VIPAS39: variants seen among roughly 807,000 people sequenced by gnomAD.
VIPAS39 encodes VPS33B interacting protein, apical-basolateral polarity regulator, spe-39 homolog.
In VIPAS39, 63 loss-of-function variants were observed where a neutral mutation model predicts 84.7. That is an observed-to-expected ratio of 0.74 (90% CI 0.61 to 0.92). The LOEUF is 0.92. VIPAS39 is among the 40% of genes least tolerant of loss of function. The pLI, the probability that VIPAS39 is intolerant of heterozygous loss-of-function variation, is 0.00. For synonymous variants in VIPAS39, 192 were observed against 216.5 expected (o/e 0.89, Z 0.99); for missense variants, 499 against 604.5 (o/e 0.83, Z 1.83).
intron 16 of VIPAS39, among the ~76,000 whole-genome samples, chr14:77,431,651 CAG>C: frequency 6.6e-6 from 1 of 152,022 alleles, no homozygotes; most frequent in Middle Eastern, 3.4e-3. Flanking sequence ...GCCTGGGTGA[CAG>C]AGTGAGACCC....
At chr14:77,427,843 T>G (rs1238510824) in intron 19 of VIPAS39, among the ~76,000 whole-genome samples, 1 of 152,250 alleles carries the variant, frequency 6.6e-6, no homozygotes, top group Non-Finnish European at 1.5e-5. Flanking sequence ...ACACCTATTT[T>G]GTATTTTACA....
chr14:77,442,716 G>A (rs775381413), intron 9 of VIPAS39, 54 bp from the exon 10 acceptor site: 6 of 1,504,932 alleles, frequency 4.0e-6, no homozygotes, highest in Non-Finnish European at 4.6e-6. Flanking sequence ...TTAGTCAAGT[G>A]TGAAATTGGT....
At position 77,442,579 on chromosome 14, in the gene VIPAS39, A is replaced by G; in HGVS notation, c.715T>C (p.Leu239=). Residue 239 remains leucine (L), a synonymous_variant, in exon 10 of 20, where the codon TTG becomes CTG. Transcript: ENST00000557658. ...TCTTACCTGAAGAGGTCTAAAAGCA[A>G]CTTTTGATCCCCTATTTCCTTAAGG... ...HFLKEIGDQK[L]LLDLFRFLDR... 1 of 1,614,204 alleles carries G rather than the reference A, an allele frequency of 6.2e-7. No individual in the cohort carries two copies. Among genetic ancestry groups the G allele is most frequent in the South Asian group, 1.1e-5 (1 of 91,082 alleles).
chr14:77,454,120 C>T lies in VIPAS39; in HGVS notation c.1-18G>A, dbSNP rs772297467. The T allele has an allele frequency of 3.7e-6, 6 of 1,611,560 alleles. No homozygotes were observed. The Admixed American group carries it at 6.7e-5, about 18-fold the overall frequency. On this transcript the variant is annotated intron_variant, in intron 1 of 19. Transcript: ENST00000557658. ...CGATTCATCTACAGTGACAGGAAAA[C>T]ATACATTGCCCCTTTCTGGGTCTCT...
chr14:77,431,592 A>C (rs891178083), intron 16 of VIPAS39, among the ~76,000 whole-genome samples: 1 of 152,148 alleles, frequency 6.6e-6, no homozygotes, highest in African/African-American at 2.4e-5. Context: ...TGGTGTAGCC[A>C]ATGTGGAAAA....
intron 1 of VIPAS39, among the ~76,000 whole-genome samples, chr14:77,454,617 T>G (rs1274690626): frequency 1.4e-5 from 2 of 143,236 alleles, no homozygotes; most frequent in Non-Finnish European, 3.0e-5. Context: ...GAGGTTGCGG[T>G]GAGCAGAGAT....
intron 16 of VIPAS39, among the ~76,000 whole-genome samples, chr14:77,432,543 G>A (rs1194174186): frequency 6.6e-6 from 1 of 152,108 alleles, no homozygotes; most frequent in Non-Finnish European, 1.5e-5. Context: ...TGGATGAGTG[G>A]ATAAAGAAAT....
At chr14:77,435,097 G>T in intron 14 of VIPAS39, 162 bp downstream of exon 14, 1 of 1,084,660 alleles carries the variant, frequency 9.2e-7, no homozygotes, top group Non-Finnish European at 1.4e-6. Context: ...CTCCTGGCCA[G>T]ATGAGGCCCT....
intron 11 of VIPAS39, 93 bp downstream of exon 11, chr14:77,440,973 C>G: frequency 6.6e-7 from 1 of 1,519,404 alleles, no homozygotes; most frequent in Non-Finnish European, 9.1e-7. Flanking sequence ...CCACCTCGGC[C>G]TCCCAAAGTG....
chr14:77,445,278 T>A (rs1023831677), intron 7 of VIPAS39, among the ~76,000 whole-genome samples: 4 of 152,250 alleles, frequency 2.6e-5, no homozygotes, highest in African/African-American at 9.6e-5. Context: ...TAGTTTCAAC[T>A]CACATTTTCT....
At chr14:77,446,210 G>C (rs1325781616) in intron 7 of VIPAS39, among the ~76,000 whole-genome samples, 1 of 152,000 alleles carries the variant, frequency 6.6e-6, no homozygotes, top group Non-Finnish European at 1.5e-5. Context: ...AAGTTTTATA[G>C]CTTTAACAAT....
intron 19 of VIPAS39, 115 bp from the exon 20 acceptor site, chr14:77,427,751 G>C: frequency 2.1e-6 from 3 of 1,398,192 alleles, no homozygotes; most frequent in East Asian, 2.3e-5. Flanking sequence ...AAAAGAAAAA[G>C]TAGAATCAGA....
chr14:77,439,738 C>G (rs992690822), intron 11 of VIPAS39, among the ~76,000 whole-genome samples: 1 of 151,694 alleles, frequency 6.6e-6, no homozygotes, highest in Non-Finnish European at 1.5e-5. Flanking sequence ...TATATGATCA[C>G]GCACCACTGT....
chr14:77,454,075 C>T lies in VIPAS39; in HGVS notation c.28G>A (p.Glu10Lys). 10 of 1,614,192 alleles carry T rather than the reference C, an allele frequency of 6.2e-6. No homozygotes were observed. The highest frequency in any genetic ancestry group is 8.5e-6 in the Non-Finnish European group (10 of 1,180,022). MNRTKGDEE[E>K]YWNSSKFKAF... The stretch of plus-strand genomic sequence containing the variant: ...TTGAACTTGGAGCTGTTCCAATACT[C>T]CTCCTCATCACCCTTTGTCCGATTC... Residue 10 changes from glutamate to lysine, a missense_variant, in exon 2 of 20, where the codon GAG becomes AAG. Transcript: ENST00000557658.
intron 16 of VIPAS39, among the ~76,000 whole-genome samples, chr14:77,431,090 A>T (rs1283824946): frequency 6.6e-6 from 1 of 152,228 alleles, no homozygotes; most frequent in Non-Finnish European, 1.5e-5. Flanking sequence ...AACTCATAGA[A>T]GAAAACATGG....
At chr14:77,434,036 C>T in intron 15 of VIPAS39, 105 bp from the exon 16 acceptor site, 1 of 1,372,682 alleles carries the variant, frequency 7.3e-7, no homozygotes, top group Non-Finnish European at 1.0e-6. Flanking sequence ...CTGATATTGA[C>T]TCTGCCCCTT....
chr14:77,437,955 C>T, intron 11 of VIPAS39, 74 bp from the exon 12 acceptor site: 1 of 1,481,552 alleles, frequency 6.7e-7, no homozygotes, highest in Non-Finnish European at 9.4e-7. Flanking sequence ...AACTGAACTT[C>T]CCATGCTTTA....
intron 16 of VIPAS39, among the ~76,000 whole-genome samples, chr14:77,431,498 T>C (rs2078522030): frequency 1.3e-5 from 2 of 152,072 alleles, no homozygotes; most frequent in African/African-American, 4.8e-5. Context: ...CCTGTTAAGA[T>C]GACTGTTATC....
chr14:77,431,587 T>C (rs535737309), intron 16 of VIPAS39, among the ~76,000 whole-genome samples: 13 of 152,148 alleles, frequency 8.5e-5, no homozygotes, highest in African/African-American at 2.9e-4. Flanking sequence ...TAGATTGGTG[T>C]AGCCAATGTG....
Sources: allele counts gnomAD v4.1 joint callset (sites outside exome capture counted in the v4.1 genomes callset), GRCh38; gene constraint gnomAD v4.1.1; transcripts MANE v1.5; gene names NCBI Gene and HGNC (gene_info 2026-07-23, HGNC 2026-07-21).